The following ST18 variants were observed in gnomAD, a reference collection of about 807,000 sequenced individuals.
ST18 encodes the protein suppression of tumorigenicity 18 protein.
ST18 carries 50 observed loss-of-function variants against 110.0 expected under a neutral mutation model. The observed-to-expected ratio is 0.45, with a 90% CI of 0.36 to 0.58. The LOEUF (loss-of-function observed/expected upper bound fraction) is 0.58, where lower values mean the gene tolerates loss of function less well. Ranked by LOEUF, ST18 falls within the 20% of genes least tolerant of loss-of-function variation. The pLI is 0.00. For synonymous variants in ST18, 461 were observed against 452.4 expected (o/e 1.02, Z -0.24); for missense variants, 1,306 against 1,280.1 (o/e 1.02, Z -0.31).
At chr8:52,330,610 G>A (rs1258035179) in intron 2 of ST18, among the ~76,000 whole-genome samples, 1 of 152,236 alleles carries the variant, frequency 6.6e-6, no homozygotes, top group Non-Finnish European at 1.5e-5. Flanking sequence ...TGGCTAGGTT[G>A]GAGTTTATGC....
At chr8:52,343,276 T>C (rs891651533) in intron 2 of ST18, among the ~76,000 whole-genome samples, 1 of 151,792 alleles carries the variant, frequency 6.6e-6, no homozygotes, top group African/African-American at 2.4e-5. Context: ...TTCAGGAGAG[T>C]TGGGTTTTAC....
intron 2 of ST18, chr8:52,403,337 A>G (rs967266597): frequency 6.6e-6 from 1 of 152,252 alleles, no homozygotes; most frequent in African/African-American, 2.4e-5. Context: ...AGCTTGGCCT[A>G]CAAGAGTTGA....
At chr8:52,382,752 A>AT (rs57816349) in intron 2 of ST18, among the ~76,000 whole-genome samples, 7,038 of 143,216 alleles carry the variant, frequency 0.049, 286 homozygotes, top group African/African-American at 0.12. Context: ...TTCATTTACA[A>AT]TTTTTTTTTT....
intron 2 of ST18, chr8:52,301,959 T>G (rs1199131090): frequency 6.6e-6 from 1 of 152,198 alleles, no homozygotes; most frequent in African/African-American, 2.4e-5. Flanking sequence ...GTGAGGACAG[T>G]GTCCACAGAG....
At chr8:52,131,903 C>T in intron 22 of ST18, 55 bp downstream of exon 22, 1 of 1,575,282 alleles carries the variant, frequency 6.3e-7, no homozygotes, top group South Asian at 1.2e-5. Flanking sequence ...CCCAAGGCAG[C>T]CTAGGCGACA....
At chr8:52,165,883 A>G (rs567778462) in intron 11 of ST18, among the ~76,000 whole-genome samples, 217 of 152,328 alleles carry the variant, frequency 1.4e-3, no homozygotes, top group Non-Finnish European at 2.2e-3. Context: ...TAGGTTCACA[A>G]AGTGGAAGAT....
chr8:52,151,676 G>T (rs146139362), intron 15 of ST18, among the ~76,000 whole-genome samples: 1 of 152,098 alleles, frequency 6.6e-6, no homozygotes, highest in South Asian at 2.1e-4. Flanking sequence ...TTTTGGCTTC[G>T]TAGCTGATAT....
At chr8:52,165,344 T>C (rs2062618154) in intron 11 of ST18, 119 bp from the exon 12 acceptor site, 1 of 907,466 alleles carries the variant, frequency 1.1e-6, no homozygotes, top group Non-Finnish European at 1.8e-6. Context: ...CACCATGCTC[T>C]CTCTCTCTAT....
chr8:52,194,276 G>A (rs962297461), intron 8 of ST18: 1 of 152,148 alleles, frequency 6.6e-6, no homozygotes, highest in Non-Finnish European at 1.5e-5. Context: ...CTTCACACTG[G>A]GTGAATAGAC....
At chr8:52,167,756 G>A (rs769391195) in intron 10 of ST18, among the ~76,000 whole-genome samples, 3 of 152,156 alleles carry the variant, frequency 2.0e-5, no homozygotes, top group Non-Finnish European at 4.4e-5. Context: ...CCACCGAGCA[G>A]CGGTCCAGAG....
intron 17 of ST18, among the ~76,000 whole-genome samples, chr8:52,138,247 G>A (rs1259432462): frequency 6.6e-6 from 1 of 152,110 alleles, no homozygotes; most frequent in Non-Finnish European, 1.5e-5. Context: ...GAGTTTTTAA[G>A]AGCAAGGCAA....
At chr8:52,202,528 T>A (rs563336147) in intron 8 of ST18, among the ~76,000 whole-genome samples, 1 of 151,978 alleles carries the variant, frequency 6.6e-6, no homozygotes, top group South Asian at 2.1e-4. Flanking sequence ...GATGGATGAG[T>A]GAATGACAAA....
chr8:52,330,595 T>C (rs898814697), intron 2 of ST18, among the ~76,000 whole-genome samples: 4 of 152,222 alleles, frequency 2.6e-5, no homozygotes, highest in African/African-American at 9.6e-5. Context: ...GTCAAGTTAC[T>C]TTGATGGCTA....
chr8:52,213,742 G>A (rs1369195703), intron 7 of ST18, among the ~76,000 whole-genome samples: 3 of 152,092 alleles, frequency 2.0e-5, no homozygotes, highest in African/African-American at 7.2e-5. Context: ...ATTCCCAGCT[G>A]AGACAGTCAA....
At chr8:52,388,973 T>TAAAAAAA (rs61317264) in intron 2 of ST18, among the ~76,000 whole-genome samples, 2 of 142,694 alleles carry the variant, frequency 1.4e-5, no homozygotes, top group African/African-American at 5.1e-5. Context: ...AATAATAATT[T>TAAAAAAA]AAAAAAAAAA....
At position 52,361,123 on chromosome 8, in the gene ST18, G is replaced by C. The variant is rs560424977; in HGVS notation, c.-465+48205C>G. ...CCTGGTCTCAAAATATTTCACCGTAGTATATTTTCCCCCAAAATGTTATCT... is the reference window on the plus strand; with the variant it reads ...CCTGGTCTCAAAATATTTCACCGTACTATATTTTCCCCCAAAATGTTATCT... On this transcript the variant is annotated intron_variant, in intron 2 of 25. Coordinates refer to ENST00000689386, the MANE Select transcript of ST18 (RefSeq NM_001352837.2). Among the ~76,000 whole-genome samples, 40 of 152,218 alleles carry C rather than the reference G, an allele frequency of 2.6e-4. 1 individual carries two copies. In the South Asian group the frequency reaches 8.1e-3, roughly 31 times the overall value.
rs146562940 is a variant in ST18, at chr8:52,341,458, T to A, written c.-465+67870A>T. 9.6e-4 allele frequency among the ~76,000 whole-genome samples: 146 copies of A among 152,302 alleles called. 3 individuals are homozygous for A. In the East Asian group the frequency reaches 0.026, roughly 27 times the overall value. The stretch of plus-strand genomic sequence containing the variant: ...TAACAGCTTCCTAAAGAAGTCCGCA[T>A]CCTAATCCCTGGAAATGAAGACTGC... On this transcript the variant is annotated intron_variant, in intron 2 of 25. Transcript: ENST00000689386.
Position 52,126,088 on chromosome 8 carries a change from C to T in ST18, c.2719G>A (p.Glu907Lys). 6.2e-7 allele frequency: 1 copy of T among 1,614,146 alleles called. No individual in the cohort carries two copies. ...AQVIKKGKVSEELMTIKLKAT... is the reference protein window; with the variant it reads ...AQVIKKGKVSKELMTIKLKAT... ...TTGAGCTTGATGGTCATGAGTTCTTCAGAAACCTTGCCCTTTTTGATAACT... is the reference window on the plus strand; with the variant it reads ...TTGAGCTTGATGGTCATGAGTTCTTTAGAAACCTTGCCCTTTTTGATAACT... The change falls in exon 23 of 26, where the codon GAA becomes AAA. Residue 907 changes from glutamate (E) to lysine (K), a missense_variant. Transcript: ENST00000689386.
chr8:52,337,883 T>C (rs952058223), intron 2 of ST18, among the ~76,000 whole-genome samples: 1 of 152,196 alleles, frequency 6.6e-6, no homozygotes, highest in African/African-American at 2.4e-5. Flanking sequence ...TAAGAGGTTT[T>C]CCTTCTGTTT....
Sources: allele counts gnomAD v4.1 joint callset (sites outside exome capture counted in the v4.1 genomes callset), GRCh38; gene constraint gnomAD v4.1.1; transcripts MANE v1.5; gene names NCBI Gene and HGNC (gene_info 2026-07-23, HGNC 2026-07-21).